DLG2: variants seen among roughly 807,000 people sequenced by gnomAD.
The protein encoded by DLG2 is discs large MAGUK scaffold protein 2, also known as disks large homolog 2.
In DLG2, 45 loss-of-function variants were observed where a neutral mutation model predicts 132.5. The observed-to-expected ratio is 0.34, with a 90% CI of 0.27 to 0.44. DLG2 has a LOEUF of 0.44. Among genes scored for constraint, DLG2 ranks in the 20% least tolerant of loss-of-function variants. The pLI is 1.00. For missense variants in DLG2, 1,045 were observed against 1,196.9 expected (o/e 0.87, Z 1.87); for synonymous variants, 424 against 419.6 (o/e 1.01, Z -0.13).
chr11:83,930,905 A>C (rs2154130581), intron 14 of DLG2, among the ~76,000 whole-genome samples: 1 of 152,350 alleles, frequency 6.6e-6, no homozygotes, highest in East Asian at 1.9e-4. Context: ...CAAAAAATAC[A>C]CATAGTGGAA....
intron 6 of DLG2, among the ~76,000 whole-genome samples, chr11:84,930,948 ACTT>A (rs1477268515): frequency 2.0e-5 from 3 of 151,908 alleles, no homozygotes; most frequent in African/African-American, 2.4e-5. Context: ...ACTGACTCTG[ACTT>A]CTTAACACAT....
At chr11:85,251,369 C>T (rs1319307729) in intron 4 of DLG2, among the ~76,000 whole-genome samples, 2 of 152,116 alleles carry the variant, frequency 1.3e-5, no homozygotes, top group African/African-American at 2.4e-5. Flanking sequence ...ATATATATCC[C>T]ATATATTTTT....
At chr11:84,121,153 A>G (rs2093892739) in intron 9 of DLG2, among the ~76,000 whole-genome samples, 1 of 152,216 alleles carries the variant, frequency 6.6e-6, no homozygotes, top group South Asian at 2.1e-4. Context: ...TCCTCACTTT[A>G]CTGGGTTCTC....
rs530797121 is a variant in DLG2 at position 83,990,899 on chromosome 11, T to A, written c.920-10257A>T. ...TTTATTAAAGGAAACACAGAATCTA[T>A]CTTGAACCCTGGCTGGCCCTGTCTG... On this transcript the variant is annotated intron_variant, in intron 11 of 27. Coordinates refer to ENST00000376104, the MANE Select transcript of DLG2 (RefSeq NM_001142699.3). Among the ~76,000 whole-genome samples, 176 of 152,178 alleles carry A rather than the reference T, an allele frequency of 1.2e-3. 1 individual carries two copies. The highest frequency in any genetic ancestry group is 4.0e-3 in the African/African-American group (167 of 41,532).
Position 85,146,227 on chromosome 11 carries a change from C to CTCTCTCTCTCT in DLG2, c.282+8328_282+8329insAGAGAGAGAGA, listed in dbSNP as rs1555384682. Among the ~76,000 whole-genome samples, 245 of 129,200 alleles carry CTCTCTCTCTCT rather than the reference C, an allele frequency of 1.9e-3. 3 individuals carry two copies. Among genetic ancestry groups the CTCTCTCTCTCT allele is most frequent in the Admixed American group, 2.7e-3 (35 of 13,152 alleles). 84.8% of individuals were successfully genotyped at this position (129,200 alleles called of 152,430 possible). ...AAGTCTGTCTGTATGTCTGTTTCTCCCTCTCTCTCTCTCTCTCTCTCTCTC... is the reference window on the plus strand; with the variant it reads ...AAGTCTGTCTGTATGTCTGTTTCTCCTCTCTCTCTCTCTCTCTCTCTCTCTCTCTCTCTCTC... On this transcript the variant is annotated intron_variant, in intron 5 of 27. Coordinates refer to ENST00000376104, the MANE Select transcript of DLG2 (RefSeq NM_001142699.3).
chr11:83,766,338 C>A (rs1343917878), intron 18 of DLG2, among the ~76,000 whole-genome samples: 1 of 151,794 alleles, frequency 6.6e-6, no homozygotes, highest in Admixed American at 6.6e-5. Context: ...CATGATCCAC[C>A]CATCTCAGCC....
At chr11:85,393,921 G>C (rs972324054) in intron 3 of DLG2, among the ~76,000 whole-genome samples, 1 of 152,010 alleles carries the variant, frequency 6.6e-6, no homozygotes, top group African/African-American at 2.4e-5. Flanking sequence ...GGGTGTGAGA[G>C]GGATGAAGAA....
chr11:84,420,645 G>GA (rs1200143238), intron 7 of DLG2, among the ~76,000 whole-genome samples: 1 of 48,916 alleles, frequency 2.0e-5, no homozygotes, highest in African/African-American at 5.0e-5. Context: ...ACCAATGCTT[G>GA]TTTTCTTTTT....
chr11:84,634,036 A>G (rs1185865346), intron 6 of DLG2, among the ~76,000 whole-genome samples: 2 of 152,188 alleles, frequency 1.3e-5, no homozygotes, highest in African/African-American at 4.8e-5. Context: ...ATACATACAT[A>G]CTACCAAAAA....
intron 6 of DLG2, among the ~76,000 whole-genome samples, chr11:84,831,375 A>G (rs964222519): frequency 2.0e-5 from 3 of 151,592 alleles, no homozygotes; most frequent in African/African-American, 7.2e-5. Context: ...GAAATGTGTT[A>G]CCTATGTTAT....
intron 6 of DLG2, among the ~76,000 whole-genome samples, chr11:84,610,097 A>T (rs941698955): frequency 4.6e-5 from 7 of 152,116 alleles, no homozygotes; most frequent in Admixed American, 4.6e-4. Flanking sequence ...GCTGGAAGTA[A>T]TCCAATATTT....
chr11:83,823,163 A>G (rs547212128), intron 17 of DLG2, among the ~76,000 whole-genome samples: 1 of 152,316 alleles, frequency 6.6e-6, no homozygotes. Context: ...ACTAAAAATC[A>G]GTCCACTTTT....
At chr11:83,912,538 A>G (rs1334253135) in intron 15 of DLG2, among the ~76,000 whole-genome samples, 1 of 152,152 alleles carries the variant, frequency 6.6e-6, no homozygotes, top group East Asian at 1.9e-4. Context: ...GAACGATTTT[A>G]ATGAAAAATC....
chr11:85,501,250 C>A (rs916155385), intron 3 of DLG2, among the ~76,000 whole-genome samples: 1 of 152,132 alleles, frequency 6.6e-6, no homozygotes. Flanking sequence ...CTTCCTTACA[C>A]CTTATACAAA....
intron 9 of DLG2, among the ~76,000 whole-genome samples, chr11:84,101,951 A>C (rs2092561463): frequency 6.6e-6 from 1 of 152,102 alleles, no homozygotes; most frequent in Non-Finnish European, 1.5e-5. Flanking sequence ...CCAGCTTCAC[A>C]CTTTACCCCC....
At chr11:83,794,291 C>G (rs2042239323) in intron 17 of DLG2, among the ~76,000 whole-genome samples, 2 of 152,144 alleles carry the variant, frequency 1.3e-5, no homozygotes, top group Non-Finnish European at 1.5e-5. Context: ...TTTTCAAGAT[C>G]ACTTTGATTC....
chr11:83,619,523 T>C (rs1234899243), intron 19 of DLG2, among the ~76,000 whole-genome samples: 1 of 152,194 alleles, frequency 6.6e-6, no homozygotes, highest in Non-Finnish European at 1.5e-5. Context: ...CTTGGTTTCA[T>C]TAACTGTAAA....
chr11:84,193,767 T>C (rs966216680), intron 8 of DLG2, among the ~76,000 whole-genome samples: 1 of 152,208 alleles, frequency 6.6e-6, no homozygotes. Context: ...ATAATGTAGA[T>C]GTTTCATAAG....
chr11:85,240,866 C>T (rs1041371708), intron 4 of DLG2, among the ~76,000 whole-genome samples: 6 of 151,594 alleles, frequency 4.0e-5, no homozygotes, highest in Non-Finnish European at 7.4e-5. Context: ...GTAAGCCATA[C>T]CTCTTTACTC....
Sources: allele counts gnomAD v4.1 joint callset (sites outside exome capture counted in the v4.1 genomes callset), GRCh38; gene constraint gnomAD v4.1.1; transcripts MANE v1.5; gene names NCBI Gene and HGNC (gene_info 2026-07-23, HGNC 2026-07-21).